The following FGF13 variants were observed in gnomAD, a reference collection of about 807,000 sequenced individuals.
FGF13 encodes the protein fibroblast growth factor homologous factor 2.
In FGF13, 2 loss-of-function variants were observed where a neutral mutation model predicts 19.5. The observed-to-expected ratio is 0.10, with a 90% CI of 0.04 to 0.32. The LOEUF (loss-of-function observed/expected upper bound fraction) is 0.32. FGF13 is among the 10% of genes least tolerant of loss of function. FGF13 has a pLI of 1.00. For missense variants in FGF13, 113 were observed against 192.7 expected, an observed-to-expected ratio of 0.59 and a Z score of 2.45; for synonymous variants, 72 against 76.9, an observed-to-expected ratio of 0.94 and a Z score of 0.33.
intron 2 of FGF13, among the ~76,000 whole-genome samples, chrX:138,706,953 CTATTT>C (rs754118622): frequency 3.6e-5 from 4 of 112,460 alleles, no homozygotes; most frequent in African/African-American, 1.3e-4. Context: ...ACTTACCTCT[CTATTT>C]TAATCTGCCT....
intron 1 of FGF13, among the ~76,000 whole-genome samples, chrX:139,061,103 G>C (rs2092334733): frequency 9.0e-6 from 1 of 111,618 alleles, no homozygotes; most frequent in Non-Finnish European, 1.9e-5. Flanking sequence ...CAAGATAACT[G>C]CTGTCCTCTA....
chrX:138,730,653 A>G (rs769298106), intron 1 of FGF13, among the ~76,000 whole-genome samples: 21 of 111,846 alleles, frequency 1.9e-4, no homozygotes, highest in African/African-American at 6.8e-4. Flanking sequence ...AACATTAAAA[A>G]AGAAAAACAG....
chrX:138,999,351 G>A (rs2092061136), intron 1 of FGF13, among the ~76,000 whole-genome samples: 1 of 111,623 alleles, frequency 9.0e-6, no homozygotes, highest in African/African-American at 3.3e-5. Context: ...AGAACTGAAG[G>A]AGATAGAGAC....
At chrX:138,827,531 G>A (rs973402587) in intron 3 of FGF13, among the ~76,000 whole-genome samples, 9 of 111,533 alleles carry the variant, frequency 8.1e-5, no homozygotes, top group African/African-American at 1.3e-4. Context: ...TAACATATTA[G>A]GAAATGCTGC....
intron 1 of FGF13, among the ~76,000 whole-genome samples, chrX:138,954,713 A>G (rs189303372): frequency 9.5e-4 from 106 of 111,704 alleles, no homozygotes; most frequent in African/African-American, 3.4e-3. Context: ...TCAGCTGGGG[A>G]AACTAATTAA....
intron 3 of FGF13, among the ~76,000 whole-genome samples, chrX:138,789,099 A>C (rs1172013465): frequency 8.9e-6 from 1 of 112,134 alleles, no homozygotes; most frequent in East Asian, 2.8e-4. Flanking sequence ...TTTCCATCTG[A>C]AATTTCATCA....
At chrX:138,717,002 TTC>T (rs1212892976) in intron 1 of FGF13, among the ~76,000 whole-genome samples, 1 of 112,456 alleles carries the variant, frequency 8.9e-6, no homozygotes, top group Non-Finnish European at 1.9e-5. Flanking sequence ...CACTGATTAA[TTC>T]TGATCCTTAA....
intron 1 of FGF13, among the ~76,000 whole-genome samples, chrX:138,868,363 A>AGT (rs200694460): frequency 1.5e-3 from 158 of 108,885 alleles, no homozygotes; most frequent in African/African-American, 4.6e-3. Flanking sequence ...AGCGGGGCCC[A>AGT]GTGTGTGTGT....
chrX:139,055,469 T>C (rs928366226), intron 1 of FGF13, among the ~76,000 whole-genome samples: 8 of 112,661 alleles, frequency 7.1e-5, no homozygotes, highest in South Asian at 3.7e-4. Flanking sequence ...CTGGATGCAA[T>C]GGGTGTGGCA....
intron 1 of FGF13, among the ~76,000 whole-genome samples, chrX:139,157,475 G>C (rs1603225702): frequency 8.9e-6 from 1 of 111,968 alleles, no homozygotes; most frequent in Middle Eastern, 4.7e-3. Flanking sequence ...TGTTATCTCA[G>C]GAGTGGCTTT....
In FGF13 at chrX:139,122,168, C is replaced by T. The variant is rs999346659; in HGVS notation, c.-113+81248G>A. 2.7e-5 allele frequency among the ~76,000 whole-genome samples: 3 copies of T among 111,339 alleles called. No homozygotes were observed. In the Admixed American group the frequency reaches 2.9e-4, roughly 11 times the overall value. ...GTGGCTAACACCAGGAGGGGTGGTC[C>T]CTTCAGGGTCAGTAAGGCCCCAAGA... On this transcript the variant is annotated intron_variant, in intron 1 of 2. Transcript: ENST00000421460.
At chrX:138,817,826 A>G (rs1223079114) in intron 3 of FGF13, among the ~76,000 whole-genome samples, 1 of 112,535 alleles carries the variant, frequency 8.9e-6, no homozygotes, top group Non-Finnish European at 1.9e-5. Context: ...AACTTTTGTT[A>G]TAAAGAATCA....
At chrX:138,829,546 T>C (rs150643862) in intron 3 of FGF13, among the ~76,000 whole-genome samples, 461 of 111,460 alleles carry the variant, frequency 4.1e-3, no homozygotes, top group Non-Finnish European at 6.9e-3. Context: ...CTGAGCCAAA[T>C]AAACCTCTTT....
chrX:139,057,551 T>C (rs1406970819), intron 1 of FGF13, among the ~76,000 whole-genome samples: 1 of 111,980 alleles, frequency 8.9e-6, no homozygotes, highest in Non-Finnish European at 1.9e-5. Flanking sequence ...CCAAAATAAT[T>C]GAAAACATAT....
intron 3 of FGF13, among the ~76,000 whole-genome samples, chrX:138,848,403 A>G (rs982213042): frequency 9.0e-6 from 1 of 111,274 alleles, no homozygotes; most frequent in African/African-American, 3.3e-5. Context: ...TTCCTAAGGC[A>G]GTGATTCCAA....
At chrX:138,709,272 T>G (rs999419460) in intron 1 of FGF13, among the ~76,000 whole-genome samples, 1 of 112,091 alleles carries the variant, frequency 8.9e-6, no homozygotes, top group Non-Finnish European at 1.9e-5. Context: ...CTACTTTTCA[T>G]GTGAAAGGAA....
At chrX:139,064,740 T>A (rs113480182) in intron 1 of FGF13, among the ~76,000 whole-genome samples, 9,379 of 111,117 alleles carry the variant, frequency 0.084, 482 homozygotes, top group African/African-American at 0.19. Flanking sequence ...GTTGGGGAAG[T>A]TCTGGATAAT....
chrX:138,708,739 G>T (rs1307823250), intron 2 of FGF13, 79 bp downstream of exon 2: 24 of 629,279 alleles, frequency 3.8e-5, no homozygotes, highest in Non-Finnish European at 6.2e-5. Context: ...ATTTAGGAAA[G>T]CGTATTTATT....
chrX:138,696,594 A>G lies in FGF13; in HGVS notation c.402+6390T>C, dbSNP rs779061556. On this transcript the variant is annotated intron_variant, in intron 3 of 4. Transcript: ENST00000315930. ...AAAGGTCCAAGAGTATGGCCATGAG[A>G]TTGATAAGGCTGAGGAATAGAAAAA... Among the ~76,000 whole-genome samples the G allele has an allele frequency of 1.2e-3, 132 of 111,932 alleles. 1 individual carries two copies. The highest frequency in any genetic ancestry group is 4.2e-3 in the African/African-American group (129 of 30,847).
Sources: gnomAD v4.1 joint callset for allele counts (sites outside exome capture counted in the v4.1 genomes callset) on GRCh38, gnomAD v4.1.1 for gene constraint, MANE v1.5 for transcripts, NCBI Gene and HGNC (gene_info 2026-07-23, HGNC 2026-07-21) for gene names.